The following ADAMTSL1 variants were observed in gnomAD, a reference collection of about 807,000 sequenced individuals.
The protein encoded by ADAMTSL1 is ADAMTS-like protein 1.
Under a neutral mutation model 201.8 loss-of-function variants are expected in ADAMTSL1, and 126 were observed. The observed-to-expected ratio is 0.62, with a 90% CI of 0.54 to 0.72. ADAMTSL1 has a LOEUF of 0.72. Ranked by LOEUF, ADAMTSL1 falls within the 30% of genes least tolerant of loss-of-function variation. ADAMTSL1 has a pLI of 0.00. For missense variants in ADAMTSL1, 2,679 were observed against 2,277.8 expected (o/e 1.18, Z -3.59); for synonymous variants, 1,121 against 903.4 (o/e 1.24, Z -4.32).
In ADAMTSL1 at chr9:18,248,565, T is replaced by C. The variant is rs181674957; in HGVS notation, c.207+84584T>C. Among the ~76,000 whole-genome samples the C allele has an allele frequency of 5.3e-5, 8 of 152,292 alleles. No individual in the cohort carries two copies. In the East Asian group the frequency reaches 1.5e-3, roughly 29 times the overall value. ...AAAAAGAAATTTGTGGCAGTTAAACTCTTCAACCAAAGCAATGGAAAGAAA... is the reference window on the plus strand; with the variant it reads ...AAAAAGAAATTTGTGGCAGTTAAACCCTTCAACCAAAGCAATGGAAAGAAA... On this transcript the variant is annotated intron_variant, in intron 2 of 29. Coordinates refer to the ADAMTSL1 transcript ENST00000680146.
At chr9:18,817,810 G>A (rs981601046) in intron 21 of ADAMTSL1, among the ~76,000 whole-genome samples, 27 of 152,206 alleles carry the variant, frequency 1.8e-4, no homozygotes, top group Non-Finnish European at 1.9e-4. Context: ...GGATGGGAAG[G>A]TAACGACTGG....
chr9:18,131,351 A>T (rs1026574210), intron 1 of ADAMTSL1, among the ~76,000 whole-genome samples: 2 of 152,178 alleles, frequency 1.3e-5, no homozygotes, highest in Non-Finnish European at 2.9e-5. Flanking sequence ...TATTGTTTTA[A>T]ATAAAGCTGG....
In ADAMTSL1 at chr9:18,813,642, C is replaced by G. The variant is rs373684088; in HGVS notation, c.3806-3467C>G. Among the ~76,000 whole-genome samples the G allele has an allele frequency of 1.1e-4, 17 of 152,246 alleles. No individual in the cohort carries two copies. The South Asian group carries it at 3.5e-3, about 32-fold the overall frequency. ...AGTTTACTATTAGTATATAAAAACA[C>G]TACAGATTTTTGTTTGTTGATTTTA... On this transcript the variant is annotated intron_variant, in intron 20 of 28. Coordinates refer to ENST00000380548, the MANE Select transcript of ADAMTSL1 (RefSeq NM_001040272.6).
intron 1 of ADAMTSL1, among the ~76,000 whole-genome samples, chr9:18,009,382 A>G (rs749228514): frequency 2.0e-5 from 3 of 151,920 alleles, no homozygotes; most frequent in Non-Finnish European, 4.4e-5. Context: ...TAAACACTGC[A>G]CTGGAAATGC....
intron 13 of ADAMTSL1, among the ~76,000 whole-genome samples, chr9:18,695,930 T>G (rs978731841): frequency 1.3e-5 from 2 of 152,194 alleles, no homozygotes; most frequent in African/African-American, 4.8e-5. Flanking sequence ...GAGCCATGGC[T>G]GGGGAGGCCA....
At chr9:18,134,756 C>T (rs1826089135) in intron 1 of ADAMTSL1, among the ~76,000 whole-genome samples, 1 of 152,132 alleles carries the variant, frequency 6.6e-6, no homozygotes, top group Non-Finnish European at 1.5e-5. Flanking sequence ...GAAACCCAAG[C>T]ATCTGAAATG....
chr9:18,401,977 G>A (rs1359001711), intron 2 of ADAMTSL1, among the ~76,000 whole-genome samples: 1 of 152,154 alleles, frequency 6.6e-6, no homozygotes, highest in East Asian at 1.9e-4. Context: ...ATATCGCAGA[G>A]TCAATTATAT....
At chr9:18,179,884 A>G (rs1359934649) in intron 2 of ADAMTSL1, among the ~76,000 whole-genome samples, 1 of 152,204 alleles carries the variant, frequency 6.6e-6, no homozygotes, top group African/African-American at 2.4e-5. Flanking sequence ...AGCGCTAAAC[A>G]TGGAAAGGAA....
At position 18,909,502 on chromosome 9, in the gene ADAMTSL1, C is replaced by T. The variant is rs923844880; in HGVS notation, c.*954C>T. Reference sequence around the variant, plus strand: ...TTTATCTAAATCCGAAGTCCCCTAGCCCCGCACTAACTAACTGCTGCTGTG... The same window carrying T: ...TTTATCTAAATCCGAAGTCCCCTAGTCCCGCACTAACTAACTGCTGCTGTG... On this transcript the variant is annotated 3_prime_UTR_variant, in exon 29 of 29. Coordinates refer to ENST00000380548, the MANE Select transcript of ADAMTSL1 (RefSeq NM_001040272.6). 1.3e-5 allele frequency: 2 copies of T among 152,416 alleles called. No individual in the cohort carries two copies. Among genetic ancestry groups the T allele is most frequent in the East Asian group, 3.9e-4 (2 of 5,186 alleles). 9.4% of individuals were successfully genotyped at this position (152,416 alleles called of 1,614,324 possible). A position where few individuals can be genotyped will look rare whatever the true frequency, so the allele number is the denominator to read the frequency against.
chr9:18,756,076 AATATATATATATATATATATATATATAT>A (rs55717414), intron 16 of ADAMTSL1, among the ~76,000 whole-genome samples: 2,987 of 80,714 alleles, frequency 0.037, 192 homozygotes, highest in Non-Finnish European at 0.057. Context: ...CTCTACTGAA[AATATATATATATATATATATATATATAT>A]ATATATATAT....
chr9:18,268,193 A>T (rs1201333515), intron 2 of ADAMTSL1, among the ~76,000 whole-genome samples: 3 of 152,130 alleles, frequency 2.0e-5, no homozygotes, highest in African/African-American at 7.2e-5. Context: ...GTTTATTCTG[A>T]TATCTCTATT....
chr9:18,505,040 A>G, intron 2 of ADAMTSL1, 84 bp downstream of exon 2: 2 of 1,482,794 alleles, frequency 1.3e-6, no homozygotes, highest in South Asian at 1.3e-5. Context: ...GTTTATGGAG[A>G]ACATTTTGTG....
At chr9:18,400,508 T>C (rs1457794548) in intron 2 of ADAMTSL1, among the ~76,000 whole-genome samples, 1 of 152,224 alleles carries the variant, frequency 6.6e-6, no homozygotes, top group Non-Finnish European at 1.5e-5. Flanking sequence ...TTTATAGTAT[T>C]GCTATGTTTG....
rs530646811 is a variant in ADAMTSL1, at chr9:18,372,767, G to T, written c.208-132062G>T. Among the ~76,000 whole-genome samples the T allele has an allele frequency of 3.9e-5, 6 of 152,290 alleles. No individual in the cohort carries two copies. In the South Asian group the frequency reaches 8.3e-4, roughly 21 times the overall value. ...AATGAAGGCTTTGGTTACATGTGGG[G>T]CTCTCTAAAATATATGCTTTCTGTA... On this transcript the variant is annotated intron_variant, in intron 2 of 29. Coordinates refer to the ADAMTSL1 transcript ENST00000680146.
intron 2 of ADAMTSL1, among the ~76,000 whole-genome samples, chr9:18,323,423 G>A (rs894332053): frequency 3.9e-5 from 6 of 152,062 alleles, no homozygotes; most frequent in African/African-American, 1.4e-4. Flanking sequence ...CCTAAAATTA[G>A]TATCACAGTT....
chr9:18,582,775 G>T (rs1823186655), intron 4 of ADAMTSL1, among the ~76,000 whole-genome samples: 1 of 151,710 alleles, frequency 6.6e-6, no homozygotes, highest in African/African-American at 2.4e-5. Context: ...CTTGAACCAG[G>T]GAGGCGGAGG....
At chr9:18,271,410 G>C (rs1341891493) in intron 2 of ADAMTSL1, among the ~76,000 whole-genome samples, 1 of 152,112 alleles carries the variant, frequency 6.6e-6, no homozygotes, top group African/African-American at 2.4e-5. Flanking sequence ...CCACCTATGA[G>C]TGAGAACATG....
At chr9:18,907,846 A>G (rs731168) in intron 28 of ADAMTSL1, 81,991 of 160,008 alleles carry the variant, frequency 0.51, 21,666 homozygotes, top group Admixed American at 0.59. Context: ...AGTCTGTGCC[A>G]ACACTGAACT....
At chr9:18,487,715 C>T (rs1030142628) in intron 1 of ADAMTSL1, among the ~76,000 whole-genome samples, 4 of 152,110 alleles carry the variant, frequency 2.6e-5, no homozygotes, top group African/African-American at 4.8e-5. Flanking sequence ...TTCATGTATG[C>T]GTATTCAGTG....
Sources: allele counts gnomAD v4.1 joint callset (sites outside exome capture counted in the v4.1 genomes callset), GRCh38; gene constraint gnomAD v4.1.1; transcripts MANE v1.5; gene names NCBI Gene and HGNC (gene_info 2026-07-23, HGNC 2026-07-21).